Variants in CACHD1 observed in about 807,000 individuals in gnomAD.
The protein encoded by CACHD1 is cache domain containing 1.
A neutral mutation model predicts 138.7 loss-of-function variants in CACHD1; 71 were observed. The ratio of observed to expected loss-of-function variants is 0.51; its 90% CI spans 0.42 to 0.62. The LOEUF (loss-of-function observed/expected upper bound fraction) is 0.62, where lower values mean the gene tolerates loss of function less well. Among genes scored for constraint, CACHD1 ranks in the 20% least tolerant of loss-of-function variants. The pLI is 0.00. For missense variants in CACHD1, 1,389 were observed against 1,625.3 expected (o/e 0.85, Z 2.50); for synonymous variants, 578 against 591.5 (o/e 0.98, Z 0.33).
intron 26 of CACHD1, among the ~76,000 whole-genome samples, chr1:64,685,796 C>T (rs1650348845): frequency 6.6e-6 from 1 of 151,568 alleles, no homozygotes; most frequent in Non-Finnish European, 1.5e-5. Context: ...CATGTTAGCA[C>T]CACTGCACTC....
chr1:64,646,239 G>A (rs1229165988), intron 8 of CACHD1, among the ~76,000 whole-genome samples: 1 of 149,232 alleles, frequency 6.7e-6, no homozygotes, highest in Non-Finnish European at 1.5e-5. Context: ...AAGGATATAA[G>A]GTCAGGTACC....
At position 64,573,085 on chromosome 1, in the gene CACHD1, C is replaced by A. The variant is rs192465301; in HGVS notation, c.262-9071C>A. Among the ~76,000 whole-genome samples, 10 of 152,208 alleles carry A rather than the reference C, an allele frequency of 6.6e-5. No homozygotes were observed. In the East Asian group the frequency reaches 1.9e-3, roughly 29 times the overall value. On this transcript the variant is annotated intron_variant, in intron 2 of 26. Coordinates refer to ENST00000651257, the MANE Select transcript of CACHD1 (RefSeq NM_020925.4). The stretch of plus-strand genomic sequence containing the variant: ...TTCTGAACAGGTGCTCTTTTGGGGG[C>A]AAGTATGGACTGAATGTTTGTGTCT...
At chr1:64,572,292 G>A (rs1646932878) in intron 2 of CACHD1, among the ~76,000 whole-genome samples, 1 of 152,204 alleles carries the variant, frequency 6.6e-6, no homozygotes, top group South Asian at 2.1e-4. Flanking sequence ...TGAAGGAATA[G>A]ACGGTAAACT....
intron 1 of CACHD1, among the ~76,000 whole-genome samples, chr1:64,478,905 T>G (rs1054350199): frequency 1.9e-4 from 29 of 152,088 alleles, no homozygotes; most frequent in African/African-American, 6.8e-4. Context: ...CATGACTTTG[T>G]TTTTTATGAG....
intron 2 of CACHD1, among the ~76,000 whole-genome samples, chr1:64,577,418 C>T (rs1234611282): frequency 6.6e-6 from 1 of 152,068 alleles, no homozygotes; most frequent in Non-Finnish European, 1.5e-5. Flanking sequence ...AAGCATTTCA[C>T]AACATTTGTT....
chr1:64,502,040 T>C (rs549792031), intron 1 of CACHD1, among the ~76,000 whole-genome samples: 2 of 152,368 alleles, frequency 1.3e-5, no homozygotes, highest in Admixed American at 1.3e-4. Flanking sequence ...AGCTTTACTT[T>C]ACATAATATT....
At chr1:64,579,823 C>T (rs1462237463) in intron 2 of CACHD1, 1 of 153,548 alleles carries the variant, frequency 6.5e-6, no homozygotes, top group Non-Finnish European at 1.5e-5. Flanking sequence ...CAGTGGTGAA[C>T]AAAAACATAT....
At chr1:64,615,736 G>A (rs12080479) in intron 4 of CACHD1, among the ~76,000 whole-genome samples, 2,236 of 152,248 alleles carry the variant, frequency 0.015, 52 homozygotes, top group African/African-American at 0.051. Flanking sequence ...CCTTAGCTAA[G>A]CAGCAAATCA....
chr1:64,562,917 T>A (rs1251780972), intron 2 of CACHD1, among the ~76,000 whole-genome samples: 2 of 152,212 alleles, frequency 1.3e-5, no homozygotes, highest in Non-Finnish European at 2.9e-5. Flanking sequence ...ACTGCTTTTT[T>A]CTTCATATAT....
chr1:64,492,836 A>C (rs1646285897), intron 1 of CACHD1, among the ~76,000 whole-genome samples: 1 of 152,198 alleles, frequency 6.6e-6, no homozygotes, highest in African/African-American at 2.4e-5. Context: ...TATCCTTGAA[A>C]ATTCAGCTCT....
At chr1:64,473,650 T>C (rs1485400670) in intron 1 of CACHD1, among the ~76,000 whole-genome samples, 1 of 152,236 alleles carries the variant, frequency 6.6e-6, no homozygotes, top group Non-Finnish European at 1.5e-5. Flanking sequence ...TCCTTTCATT[T>C]GACCTTGGCA....
Position 64,682,012 on chromosome 1 carries a change from C to T in CACHD1, c.3492C>T (p.Asn1164=). The T allele has an allele frequency of 3.1e-6, 5 of 1,614,054 alleles. No individual in the cohort carries two copies. Among genetic ancestry groups the T allele is most frequent in the South Asian group, 2.2e-5 (2 of 91,088 alleles). ...DSHEDRGIIS[N]TRFIAAVIER... is the part of the protein sequence containing the mutation. ...GTCCTTGGCTTCCTACAGTCAGCAA[C>T]ACTCGGTTTATAGCTGCGGTCATCG... The change falls in exon 26 of 27, where the codon AAC becomes AAT. Residue 1164 remains asparagine, a synonymous_variant. Transcript: ENST00000651257.
intron 13 of CACHD1, among the ~76,000 whole-genome samples, chr1:64,659,422 C>A (rs1649371610): frequency 6.6e-6 from 1 of 152,084 alleles, no homozygotes; most frequent in Non-Finnish European, 1.5e-5. Context: ...AAAAGGCCTC[C>A]AAAGGAATCT....
chr1:64,679,447 A>T (rs1262779540), intron 23 of CACHD1, 148 bp from the exon 24 acceptor site: 5 of 845,638 alleles, frequency 5.9e-6, no homozygotes, highest in Middle Eastern at 2.8e-4. Context: ...CCCATGCGTC[A>T]TGTTTGAGGA....
chr1:64,638,782 G>T (rs1313346540), intron 7 of CACHD1, among the ~76,000 whole-genome samples: 1 of 152,052 alleles, frequency 6.6e-6, no homozygotes, highest in East Asian at 1.9e-4. Context: ...CCCTGTAATT[G>T]CTTGCCCCTA....
At chr1:64,542,172 A>G (rs1646682246) in intron 1 of CACHD1, among the ~76,000 whole-genome samples, 1 of 152,236 alleles carries the variant, frequency 6.6e-6, no homozygotes, top group African/African-American at 2.4e-5. Context: ...TGCCTGACAG[A>G]TAGTAAGCAC....
At chr1:64,612,766 T>C (rs1200422473) in intron 4 of CACHD1, among the ~76,000 whole-genome samples, 2 of 152,206 alleles carry the variant, frequency 1.3e-5, no homozygotes, top group African/African-American at 4.8e-5. Context: ...CTGATGGAGA[T>C]GTGCCAGGAG....
chr1:64,641,880 A>G lies in CACHD1; in HGVS notation c.1067A>G (p.Glu356Gly), dbSNP rs145156098. The G allele has an allele frequency of 9.1e-4, 1,460 of 1,605,874 alleles. No homozygotes were observed. The highest frequency in any genetic ancestry group is 1.1e-3 in the Non-Finnish European group (1,244 of 1,177,034). ...AGITSKDSSE[E>G]DKKATLQVIN... ...ATTACATCAAAGGACTCTTCGGAAG[A>G]AGATAAAAAAGCGACTCTCCAAGTC... Residue 356 changes from glutamate to glycine, a missense_variant, in exon 8 of 27, where the codon GAA becomes GGA. Around this residue, in one of 5 missense-constraint regions of CACHD1, gnomAD observed 1,000 missense variants for 1,114.7 expected, o/e 0.90. Transcript: ENST00000651257.
At chr1:64,581,155 T>C (rs1290909546) in intron 2 of CACHD1, among the ~76,000 whole-genome samples, 3 of 152,152 alleles carry the variant, frequency 2.0e-5, no homozygotes, top group African/African-American at 4.8e-5. Context: ...CTGAAAGCTA[T>C]AGAATATCCC....
Sources: allele counts gnomAD v4.1 joint callset (sites outside exome capture counted in the v4.1 genomes callset), GRCh38; gene constraint gnomAD v4.1.1; regional missense constraint gnomAD v4.1.1; transcripts MANE v1.5; gene names NCBI Gene and HGNC (gene_info 2026-07-23, HGNC 2026-07-21).